DMD: variants seen among roughly 807,000 people sequenced by gnomAD.
DMD encodes the protein dystrophin.
A neutral mutation model predicts 330.1 loss-of-function variants in DMD; 63 were observed. That is an observed-to-expected ratio of 0.19 (90% confidence interval 0.16 to 0.24). The LOEUF is 0.24. Ranked by LOEUF, DMD falls within the 10% of genes least tolerant of loss-of-function variation. DMD has a pLI of 1.00. For synonymous variants in DMD, 1,223 were observed against 959.8 expected (o/e 1.27, Z -5.07); for missense variants, 3,344 against 2,684.1 (o/e 1.25, Z -5.43).
At chrX:32,737,658 T>A (rs912679636) in intron 7 of DMD, among the ~76,000 whole-genome samples, 1 of 111,975 alleles carries the variant, frequency 8.9e-6, no homozygotes, top group Non-Finnish European at 1.9e-5. Context: ...ACCATTTTTC[T>A]TTTTGCTGCT....
At chrX:31,886,503 C>T (rs1025093942) in intron 47 of DMD, among the ~76,000 whole-genome samples, 27 of 111,644 alleles carry the variant, frequency 2.4e-4, no homozygotes, top group African/African-American at 8.1e-4. Context: ...AGGAATAGAC[C>T]ATTTAGGAAA....
upstream of DMD, chrX:33,211,675 T>G (rs2051925098): frequency 1.8e-6 from 1 of 549,112 alleles, no homozygotes; most frequent in African/African-American, 2.4e-5. Context: ...CATATAAGGT[T>G]GTGCTTCCAG....
At chrX:31,347,001 C>CAAAAAAAAAAAAAAAAA in intron 61 of DMD, among the ~76,000 whole-genome samples, 1 of 9,637 alleles carries the variant, frequency 1.0e-4, no homozygotes. Flanking sequence ...GGCTCCCTCT[C>CAAAAAAAAAAAAAAAAA]AAAAAAAAAA....
intron 63 of DMD, among the ~76,000 whole-genome samples, chrX:31,246,587 A>G (rs1287419830): frequency 1.8e-5 from 2 of 112,285 alleles, no homozygotes; most frequent in African/African-American, 6.5e-5. Flanking sequence ...GACTAAGTTG[A>G]AGCCAATGCT....
chrX:32,105,240 C>G (rs966396219), intron 44 of DMD, among the ~76,000 whole-genome samples: 8 of 111,531 alleles, frequency 7.2e-5, no homozygotes, highest in Non-Finnish European at 1.9e-5. Flanking sequence ...AGAATTGTAA[C>G]ATTAAGAGAA....
At chrX:32,631,796 A>T (rs2058748726) in intron 11 of DMD, among the ~76,000 whole-genome samples, 1 of 111,518 alleles carries the variant, frequency 9.0e-6, no homozygotes, top group Non-Finnish European at 1.9e-5. Flanking sequence ...GAGAAATTCA[A>T]CGCCATGATT....
Position 31,287,003 on chromosome X carries a change from G to T in DMD, c.9225-25987C>A, listed in dbSNP as rs781016295. Among the ~76,000 whole-genome samples, 11 of 112,471 alleles carry T rather than the reference G, an allele frequency of 9.8e-5. No individual in the cohort carries two copies. In the East Asian group the frequency reaches 3.1e-3, roughly 32 times the overall value. On this transcript the variant is annotated intron_variant, in intron 62 of 78. Coordinates refer to ENST00000357033, the MANE Select transcript of DMD (RefSeq NM_004006.3). ...TGGTCTAAACCTCCTGGGATTAAGC[G>T]ATCTGCCCTCCTCGGCCTCCCAAAG...
At chrX:32,036,868 G>T (rs1475014782) in intron 44 of DMD, among the ~76,000 whole-genome samples, 2 of 111,430 alleles carry the variant, frequency 1.8e-5, no homozygotes, top group African/African-American at 6.5e-5. Context: ...AAGGAACAGA[G>T]TGTTTTAAGC....
At chrX:31,436,036 T>C (rs1390156472) in intron 60 of DMD, among the ~76,000 whole-genome samples, 1 of 111,874 alleles carries the variant, frequency 8.9e-6, no homozygotes, top group Non-Finnish European at 1.9e-5. Flanking sequence ...CCTGGAATTA[T>C]ATACATGTTT....
chrX:31,781,053 A>G (rs1383768285), intron 50 of DMD, among the ~76,000 whole-genome samples: 2 of 112,285 alleles, frequency 1.8e-5, no homozygotes, highest in Non-Finnish European at 3.8e-5. Context: ...TATAATCCAA[A>G]TAAATATTTG....
chrX:32,111,057 A>G (rs2096587033), intron 44 of DMD, among the ~76,000 whole-genome samples: 1 of 112,388 alleles, frequency 8.9e-6, no homozygotes, highest in Admixed American at 9.4e-5. Context: ...CATAAGAAAT[A>G]ATGCGGATTA....
chrX:32,204,281 C>G (rs780812047), intron 44 of DMD, among the ~76,000 whole-genome samples: 3 of 111,938 alleles, frequency 2.7e-5, no homozygotes, highest in Non-Finnish European at 5.6e-5. Context: ...AAATTTTTGT[C>G]TAAGAGTTAT....
chrX:33,247,309 G>A (rs2052683172), intron 1 of DMD, among the ~76,000 whole-genome samples: 1 of 111,251 alleles, frequency 9.0e-6, no homozygotes, highest in Non-Finnish European at 1.9e-5. Flanking sequence ...TATATATTTT[G>A]TTTCTTATAT....
chrX:32,929,591 C>A (rs2089406381), intron 2 of DMD, among the ~76,000 whole-genome samples: 1 of 111,237 alleles, frequency 9.0e-6, no homozygotes, highest in Non-Finnish European at 1.9e-5. Context: ...ATTTTAAGTT[C>A]TGGGATACAT....
rs150263652 is a variant in DMD, at chrX:32,546,747, T to C, written c.1993-1413A>G. Reference sequence around the variant, plus strand: ...GGTTTTATCTTCTCTAGGATCTCCATAGATTCATTATTTAGAATGAATCAC... The same window carrying C: ...GGTTTTATCTTCTCTAGGATCTCCACAGATTCATTATTTAGAATGAATCAC... On this transcript the variant is annotated intron_variant, in intron 16 of 78. Coordinates refer to ENST00000357033, the MANE Select transcript of DMD (RefSeq NM_004006.3). 3.4e-3 allele frequency among the ~76,000 whole-genome samples: 377 copies of C among 110,268 alleles called. 3 individuals are homozygous for C. Among genetic ancestry groups the C allele is most frequent in the East Asian group, 0.028 (95 of 3,442 alleles).
chrX:32,251,541 A>G (rs755921350), intron 43 of DMD, among the ~76,000 whole-genome samples: 21 of 111,789 alleles, frequency 1.9e-4, no homozygotes, highest in Admixed American at 1.6e-3. Context: ...CTCCATTAAC[A>G]TAAGTATCAA....
chrX:33,275,003 T>G (rs1192935852), intron 1 of DMD, among the ~76,000 whole-genome samples: 1 of 111,599 alleles, frequency 9.0e-6, no homozygotes, highest in African/African-American at 3.3e-5. Context: ...CACCACAGGT[T>G]TATGCTCTCC....
chrX:31,150,912 A>G (rs1362810084), intron 74 of DMD, among the ~76,000 whole-genome samples: 1 of 112,042 alleles, frequency 8.9e-6, no homozygotes, highest in Admixed American at 9.4e-5. Flanking sequence ...GAATTTATTT[A>G]AAGTCACACA....
intron 67 of DMD, among the ~76,000 whole-genome samples, chrX:31,203,546 G>A (rs1263523158): frequency 9.5e-6 from 1 of 105,365 alleles, no homozygotes; most frequent in Non-Finnish European, 2.0e-5. Flanking sequence ...TTAAAAAAAA[G>A]GACAGCTGTG....
Sources: allele counts gnomAD v4.1 joint callset (sites outside exome capture counted in the v4.1 genomes callset), GRCh38; gene constraint gnomAD v4.1.1; transcripts MANE v1.5; gene names NCBI Gene and HGNC (gene_info 2026-07-23, HGNC 2026-07-21).